The following POP4 variants were observed in gnomAD, a reference collection of about 807,000 sequenced individuals.
POP4 encodes ribonuclease P protein subunit p29.
A neutral mutation model predicts 29.9 loss-of-function variants in POP4; 31 were observed. That is an observed-to-expected ratio of 1.04 (90% CI 0.78 to 1.40). The LOEUF is 1.40. POP4 is among the 40% of genes most tolerant of loss of function. The pLI is 0.00. For missense variants in POP4, 286 were observed against 282.7 expected (o/e 1.01, Z -0.08); for synonymous variants, 110 against 108.2 (o/e 1.02, Z -0.10).
At chr19:29,609,243 T>C (rs1326639582) in intron 2 of POP4, 1 of 152,992 alleles carries the variant, frequency 6.5e-6, no homozygotes, top group African/African-American at 2.4e-5. Context: ...ATCAGATCAT[T>C]GTCCTATTAT....
At chr19:29,608,262 C>CTTTTCTTTT (rs1491529433) in intron 1 of POP4, among the ~76,000 whole-genome samples, 950 of 86,646 alleles carry the variant, frequency 0.011, 19 homozygotes, top group African/African-American at 0.025. Flanking sequence ...CTTTTCTTTT[C>CTTTTCTTTT]TTTTTTTTTT....
Position 29,616,419 on chromosome 19 carries a change from C to A in POP4, c.*1039C>A, listed in dbSNP as rs1971132030. On this transcript the variant is annotated 3_prime_UTR_variant, in exon 7 of 7. Coordinates refer to ENST00000585603, the MANE Select transcript of POP4 (RefSeq NM_006627.3). ...CTTCCCTTTGAGGAGCAAGTCTCTG[C>A]CGATCAGCAAGGCAAGGCCAGGAGC... The A allele has an allele frequency of 6.6e-6, 1 of 152,250 alleles. No homozygotes were observed. Among genetic ancestry groups the A allele is most frequent in the Admixed American group, 6.5e-5 (1 of 15,278 alleles). The allele number at this position is 152,250 out of a possible 1,614,324, so 9.4% of individuals were successfully genotyped here.
intron 1 of POP4, 186 bp downstream of exon 1, chr19:29,606,511 A>C: frequency 3.3e-6 from 2 of 598,290 alleles, no homozygotes; most frequent in Non-Finnish European, 2.7e-6. Context: ...TCGACCTCTG[A>C]GCTAGGGAGG....
chr19:29,608,936 C>A, intron 2 of POP4: 1 of 513,366 alleles, frequency 1.9e-6, no homozygotes, highest in Non-Finnish European at 3.5e-6. Context: ...ATGAGGCTTT[C>A]CTTAACCTTT....
intron 6 of POP4, 41 bp from the exon 7 acceptor site, chr19:29,615,203 C>A: frequency 6.7e-7 from 1 of 1,494,464 alleles, no homozygotes; most frequent in Non-Finnish European, 8.9e-7. Flanking sequence ...AATATTTTTC[C>A]TCATCTTTTT....
At chr19:29,606,787 C>T (rs1568293128) in intron 1 of POP4, among the ~76,000 whole-genome samples, 1 of 152,088 alleles carries the variant, frequency 6.6e-6, no homozygotes, top group Admixed American at 6.6e-5. Flanking sequence ...ACCGTTAAGA[C>T]TGGGCCTTCA....
rs1221748402 is a variant in POP4 at position 29,615,144 on chromosome 19, C to A, written c.527-100C>A. 26 of 1,324,060 alleles carry A rather than the reference C, an allele frequency of 2.0e-5. No homozygotes were observed. The South Asian group carries it at 2.4e-4, about 12-fold the overall frequency. 82.0% of individuals were successfully genotyped at this position (1,324,060 alleles called of 1,614,324 possible). A position where few individuals can be genotyped will look rare whatever the true frequency, so the allele number is the denominator to read the frequency against. On this transcript the variant is annotated intron_variant, in intron 6 of 6. Coordinates refer to ENST00000585603, the MANE Select transcript of POP4 (RefSeq NM_006627.3). Reference sequence around the variant, plus strand: ...CCGTTTCCTATTAGCTTATTTTTTTCATTCAATGTGTTCTGAATAATATTC... The same window carrying A: ...CCGTTTCCTATTAGCTTATTTTTTTAATTCAATGTGTTCTGAATAATATTC...
In POP4 at chr19:29,610,465, G is replaced by A. The variant is rs774288300; in HGVS notation, c.117G>A (p.Thr39=). The A allele has an allele frequency of 5.2e-5, 84 of 1,601,014 alleles. No individual in the cohort carries two copies. The highest frequency in any genetic ancestry group is 7.0e-5 in the Non-Finnish European group (82 of 1,174,070). ...AFVRAFLKRS[T]PRMSPQARED... is the part of the protein sequence containing the mutation. ...TGAGGGCCTTCCTGAAGCGCAGCAC[G>A]CCCCGCATGAGCCCGCAGGCCCGCG... is the stretch of plus-strand genomic sequence containing the variant. The change falls in exon 3 of 7, where the codon ACG becomes ACA. Residue 39 remains threonine (T), a synonymous_variant. Transcript: ENST00000585603.
rs775855654 is a variant in POP4 at position 29,610,514 on chromosome 19, G to A, written c.166G>A (p.Val56Met). The A allele has an allele frequency of 3.7e-6, 6 of 1,613,302 alleles. No individual in the cohort carries two copies. The Admixed American group carries it at 1.0e-4, about 27-fold the overall frequency. The change falls in exon 3 of 7, where the codon GTG (valine) becomes ATG (methionine). Residue 56 changes from valine (V) to methionine (M), a missense_variant. Coordinates refer to ENST00000585603, the MANE Select transcript of POP4 (RefSeq NM_006627.3). ...CGAGGACCAGCTGCAGCGCAAGGCG[G>A]TGGTCCTGGAGTACTTCACCCGCCA... is the stretch of plus-strand genomic sequence containing the variant. ...AREDQLQRKA[V>M]VLEYFTRHKR...
intron 1 of POP4, among the ~76,000 whole-genome samples, chr19:29,607,040 C>T (rs1313952434): frequency 6.6e-6 from 1 of 152,124 alleles, no homozygotes; most frequent in African/African-American, 2.4e-5. Flanking sequence ...TTATCAGGCC[C>T]CGCAAGTTGC....
intron 3 of POP4, 151 bp downstream of exon 3, chr19:29,610,783 A>C: frequency 4.0e-6 from 3 of 746,852 alleles, no homozygotes; most frequent in Non-Finnish European, 4.3e-6. Flanking sequence ...TCCTTTACCA[A>C]TCTGGGCTGT....
At chr19:29,613,682 A>C in intron 5 of POP4, 189 bp from the exon 6 acceptor site, 1 of 854,446 alleles carries the variant, frequency 1.2e-6, no homozygotes, top group African/African-American at 1.7e-5. Flanking sequence ...GCAAAGCCCC[A>C]GGGGAAGCCT....
intron 5 of POP4, chr19:29,613,213 T>C (rs1971091023): frequency 6.6e-6 from 1 of 152,604 alleles, no homozygotes; most frequent in African/African-American, 2.4e-5. Context: ...CACTCGTTGC[T>C]GTCAGAAAGT....
Position 29,607,545 on chromosome 19 carries a change from G to A in POP4, c.8-1112G>A, listed in dbSNP as rs79206249. The stretch of plus-strand genomic sequence containing the variant: ...AGAAAGCTGGAATTAAATTTACAGA[G>A]TATAGTGTAAATTACATTTTCTAGC... On this transcript the variant is annotated intron_variant, in intron 1 of 6. Transcript: ENST00000585603. 2.2e-4 allele frequency among the ~76,000 whole-genome samples: 34 copies of A among 152,222 alleles called. 1 individual carries two copies. In the East Asian group the frequency reaches 6.4e-3, roughly 28 times the overall value.
intron 5 of POP4, 175 bp from the exon 6 acceptor site, chr19:29,613,696 T>G: frequency 2.1e-6 from 2 of 955,658 alleles, no homozygotes; most frequent in Non-Finnish European, 3.0e-6. Flanking sequence ...GAAGCCTGGA[T>G]TCTTGTTGGT....
At chr19:29,608,631 A>G (rs757297353) in intron 1 of POP4, 26 bp from the exon 2 acceptor site, 7 of 1,608,718 alleles carry the variant, frequency 4.4e-6, no homozygotes, top group Non-Finnish European at 6.0e-6. Context: ...ACAAGAATTG[A>G]TCATTTCTTT....
At chr19:29,608,847 G>C in intron 2 of POP4, 138 bp downstream of exon 2, 4 of 814,176 alleles carry the variant, frequency 4.9e-6, no homozygotes, top group Non-Finnish European at 8.0e-6. Flanking sequence ...TCTAAGGCTG[G>C]ATCAAAGTCT....
intron 3 of POP4, chr19:29,610,969 A>T (rs147460516): frequency 1.5e-5 from 4 of 270,048 alleles, no homozygotes; most frequent in African/African-American, 2.2e-5. Flanking sequence ...GTAGCTTTTG[A>T]TAGAGCCAGA....
At chr19:29,615,223 C>CTTTTTTTTTTTTTT in intron 6 of POP4, 21 bp from the exon 7 acceptor site, 1 of 1,181,486 alleles carries the variant, frequency 8.5e-7, no homozygotes, top group Non-Finnish European at 1.1e-6. Flanking sequence ...TTTCTCCTGC[C>CTTTTTTTTTTTTTT]TTTTTTTTTT....
Sources: gnomAD v4.1 joint callset for allele counts (sites outside exome capture counted in the v4.1 genomes callset) on GRCh38, gnomAD v4.1.1 for gene constraint, MANE v1.5 for transcripts, NCBI Gene and HGNC (gene_info 2026-07-23, HGNC 2026-07-21) for gene names.